ERO1B: variants seen among roughly 807,000 people sequenced by gnomAD.
The protein encoded by ERO1B is ERO1-like protein beta.
ERO1B carries 49 observed loss-of-function variants against 75.3 expected under a neutral mutation model. The ratio of observed to expected loss-of-function variants is 0.65; its 90% CI spans 0.52 to 0.83. The LOEUF (loss-of-function observed/expected upper bound fraction) is 0.83, where lower values mean the gene tolerates loss of function less well. ERO1B is among the 40% of genes least tolerant of loss of function. The probability of loss-of-function intolerance (pLI) is 0.00; values close to 1 mark genes in which losing one functional copy is unlikely to be tolerated. For missense variants in ERO1B, 512 were observed against 560.1 expected (o/e 0.91, Z 0.87); for synonymous variants, 191 against 192.9 (o/e 0.99, Z 0.08).
chr1:236,269,898 T>C lies in ERO1B; in HGVS notation c.199A>G (p.Arg67Gly). 1.3e-6 allele frequency: 2 copies of C among 1,594,442 alleles called. No homozygotes were observed. Among genetic ancestry groups the C allele is most frequent in the Non-Finnish European group, 1.7e-6 (2 of 1,162,338 alleles). The change falls in exon 2 of 16, where the codon AGA (arginine) becomes GGA (glycine). Residue 67 changes from arginine to glycine, a missense_variant. By Grantham distance (125) the Arg-to-Gly change is moderately radical. Transcript: ENST00000354619. ...ACCTTGTAATAACGAAAATAGTCTC[T>C]CTCTTGCAATTTTTTTATTTTGGGG... Reference protein sequence around the residue: ...IFPKIKKLQERDYFRYYKVNL... With the variant: ...IFPKIKKLQEGDYFRYYKVNL...
Position 236,222,368 on chromosome 1 carries a change from C to A in ERO1B, c.1123-358G>T, listed in dbSNP as rs532557449. ...CCTCAAATGATCTGCCCACCTCGAC[C>A]TCCCAAAGTGCTGGGATTACGGTGT... On this transcript the variant is annotated intron_variant, in intron 13 of 15. Coordinates refer to ENST00000354619, the MANE Select transcript of ERO1B (RefSeq NM_019891.4). 6.6e-5 allele frequency among the ~76,000 whole-genome samples: 10 copies of A among 152,338 alleles called. No homozygotes were observed. The South Asian group carries it at 1.7e-3, about 25-fold the overall frequency.
intron 2 of ERO1B, among the ~76,000 whole-genome samples, chr1:236,267,047 T>C (rs1217757721): frequency 2.0e-5 from 3 of 152,238 alleles, no homozygotes; most frequent in African/African-American, 4.8e-5. Context: ...ACTCCACTTT[T>C]ACTCATGCAA....
At chr1:236,248,669 G>GGAAAAATAAAACCATATAC (rs1331615220) in intron 5 of ERO1B, among the ~76,000 whole-genome samples, 1 of 151,622 alleles carries the variant, frequency 6.6e-6, no homozygotes, top group Non-Finnish European at 1.5e-5. Flanking sequence ...TTTATACAAA[G>GGAAAAATAAAACCATATAC]GAAAAATAAA....
chr1:236,245,976 T>C (rs1262433196), intron 5 of ERO1B, among the ~76,000 whole-genome samples: 1 of 152,038 alleles, frequency 6.6e-6, no homozygotes, highest in Non-Finnish European at 1.5e-5. Context: ...GTGTATCATA[T>C]TTCATTATAC....
chr1:236,232,749 C>T, intron 9 of ERO1B, 79 bp downstream of exon 9: 1 of 1,351,708 alleles, frequency 7.4e-7, no homozygotes, highest in Admixed American at 2.1e-5. Context: ...TTTTGAATTC[C>T]ATAAAGGAAA....
chr1:236,216,640 C>T lies in ERO1B; in HGVS notation c.*1876G>A, dbSNP rs1482530278. 1 of 151,974 alleles carries T rather than the reference C, an allele frequency of 6.6e-6. No homozygotes were observed. Among genetic ancestry groups the T allele is most frequent in the Non-Finnish European group, 1.5e-5 (1 of 67,956 alleles). The allele number at this position is 151,974 out of a possible 1,614,324, so 9.4% of individuals were successfully genotyped here. On this transcript the variant is annotated 3_prime_UTR_variant, in exon 16 of 16. Transcript: ENST00000354619. ...AGTACAGAAAAAAACAATAAATGGA[C>T]ATGAGCGAGGATTTTCTCCAGTAAA...
Position 236,281,713 on chromosome 1 carries a change from A to G in ERO1B, c.71T>C (p.Leu24Pro). The change falls in exon 1 of 16, where the codon CTG (leucine) becomes CCG (proline). Residue 24 changes from leucine to proline, a missense_variant. Leu to Pro is a moderately conservative substitution (Grantham distance 98, BLOSUM62 -3). Transcript: ENST00000354619. Reference protein sequence around the residue: ...VAAAVQLLVTLSFLRSVVEAQ... With the variant: ...VAAAVQLLVTPSFLRSVVEAQ... ...CTCGACGACGCTCCGCAGGAAGCTCAGGGTGACCAGCAGCTGCACCGCGGC... is the reference window on the plus strand; with the variant it reads ...CTCGACGACGCTCCGCAGGAAGCTCGGGGTGACCAGCAGCTGCACCGCGGC... 6.6e-7 allele frequency: 1 copy of G among 1,510,582 alleles called. No homozygotes were observed. The highest frequency in any genetic ancestry group is 8.8e-7 in the Non-Finnish European group (1 of 1,132,504). The allele number at this position is 1,510,582 out of a possible 1,614,324, so 93.6% of individuals were successfully genotyped here.
rs183974358 is a variant in ERO1B, at chr1:236,217,697, C to G, written c.*819G>C. On this transcript the variant is annotated 3_prime_UTR_variant, in exon 16 of 16. Coordinates refer to ENST00000354619, the MANE Select transcript of ERO1B (RefSeq NM_019891.4). ...GTGTTTTCTTTCTAAAAGTAACTGA[C>G]AATTTCCAAAATGTCTTTGTCCCTA... The G allele has an allele frequency of 5.2e-5, 8 of 152,544 alleles. No individual in the cohort carries two copies. The East Asian group carries it at 1.5e-3, about 29-fold the overall frequency. 9.4% of individuals were successfully genotyped at this position (152,544 alleles called of 1,614,324 possible).
At chr1:236,250,943 C>T (rs1402271905) in intron 4 of ERO1B, among the ~76,000 whole-genome samples, 1 of 152,024 alleles carries the variant, frequency 6.6e-6, no homozygotes, top group Non-Finnish European at 1.5e-5. Flanking sequence ...GAAACTCTTA[C>T]ATGTGTGCAC....
At chr1:236,227,577 G>A (rs575903391) in intron 10 of ERO1B, among the ~76,000 whole-genome samples, 1 of 152,242 alleles carries the variant, frequency 6.6e-6, no homozygotes, top group South Asian at 2.1e-4. Context: ...TGGATACACG[G>A]CCATGAGCTT....
intron 5 of ERO1B, among the ~76,000 whole-genome samples, chr1:236,246,867 T>C (rs1054809302): frequency 6.6e-6 from 1 of 152,206 alleles, no homozygotes; most frequent in African/African-American, 2.4e-5. Context: ...TTCCACCATA[T>C]GTGTATTATA....
chr1:236,235,917 T>C, intron 7 of ERO1B, 82 bp from the exon 8 acceptor site: 1 of 1,210,648 alleles, frequency 8.3e-7, no homozygotes, highest in Admixed American at 2.2e-5. Flanking sequence ...AAACAAATAC[T>C]CCCCTCCCCA....
chr1:236,240,390 G>A (rs1323761317), intron 6 of ERO1B, among the ~76,000 whole-genome samples: 4 of 151,882 alleles, frequency 2.6e-5, no homozygotes, highest in Non-Finnish European at 4.4e-5. Context: ...TACGGTCACA[G>A]ATAAAAAAAT....
chr1:236,239,911 A>AT (rs1218642025), intron 6 of ERO1B, among the ~76,000 whole-genome samples: 115 of 106,960 alleles, frequency 1.1e-3, no homozygotes, highest in Admixed American at 1.9e-3. Context: ...ATATATATAT[A>AT]TTTTTTTTTT....
chr1:236,237,451 C>CA (rs550570766), intron 6 of ERO1B, among the ~76,000 whole-genome samples: 37 of 152,140 alleles, frequency 2.4e-4, no homozygotes, highest in Admixed American at 2.1e-3. Flanking sequence ...CTGAGAAATA[C>CA]AAAAGATTTT....
intron 7 of ERO1B, 150 bp downstream of exon 7, chr1:236,236,128 T>C: frequency 2.1e-6 from 2 of 971,548 alleles, no homozygotes; most frequent in South Asian, 3.2e-5. Flanking sequence ...GGTTTCACCA[T>C]GTTGGCCAGG....
In ERO1B at chr1:236,253,485, A is replaced by T; in HGVS notation, c.243T>A (p.Cys81Ter). 1 of 1,609,644 alleles carries T rather than the reference A, an allele frequency of 6.2e-7. No individual in the cohort carries two copies. The highest frequency in any genetic ancestry group is 8.5e-7 in the Non-Finnish European group (1 of 1,177,298). Reference sequence around the variant, plus strand: ...AGTGGCCATCTTCTGCCCAGAAAGGACAAGGTCGCTTCAGATTAACCTTGA... The same window carrying T: ...AGTGGCCATCTTCTGCCCAGAAAGGTCAAGGTCGCTTCAGATTAACCTTGA... ...RYYKVNLKRPCPFWAEDGHCS... is the reference protein window; with the variant it reads ...RYYKVNLKRP Residue 81 changes from cysteine (C) to a stop codon, truncating the protein, a stop_gained, in exon 3 of 16, where the codon TGT (cysteine) becomes TGA (stop). Coordinates refer to ENST00000354619, the MANE Select transcript of ERO1B (RefSeq NM_019891.4). LOFTEE classifies it high-confidence loss of function.
intron 9 of ERO1B, 76 bp downstream of exon 9, chr1:236,232,752 A>G: frequency 6.5e-6 from 9 of 1,392,300 alleles, no homozygotes; most frequent in Non-Finnish European, 7.9e-6. Context: ...TGAATTCCAT[A>G]AAGGAAAAAT....
intron 10 of ERO1B, 128 bp downstream of exon 10, chr1:236,230,095 AC>A: frequency 1.3e-6 from 1 of 742,614 alleles, no homozygotes; most frequent in Non-Finnish European, 2.3e-6. Flanking sequence ...TTAACCTAAA[AC>A]ACATTTTTTT....
Sources: gnomAD v4.1 joint callset for allele counts (sites outside exome capture counted in the v4.1 genomes callset) on GRCh38, gnomAD v4.1.1 for gene constraint, MANE v1.5 for transcripts, NCBI Gene and HGNC (gene_info 2026-07-23, HGNC 2026-07-21) for gene names.